ZNF91: variants seen among roughly 807,000 people sequenced by gnomAD.
ZNF91 encodes the protein zinc finger protein 91 (HPF7, HTF10).
Under a neutral mutation model 12.6 loss-of-function variants are expected in ZNF91, and 7 were observed. That is an observed-to-expected ratio of 0.55 (90% CI 0.31 to 1.04). ZNF91 has a LOEUF of 1.04. ZNF91 is among the 50% of genes least tolerant of loss of function. ZNF91 has a pLI of 0.05. For synonymous variants in ZNF91, 453 were observed against 462.6 expected, an observed-to-expected ratio of 0.98 and a Z score of 0.27; for missense variants, 1,217 against 1,385.4, an observed-to-expected ratio of 0.88 and a Z score of 1.93.
At chr19:23,371,579 T>C (rs73565040) in intron 3 of ZNF91, among the ~76,000 whole-genome samples, 119 of 151,946 alleles carry the variant, frequency 7.8e-4, no homozygotes, top group African/African-American at 2.7e-3. Flanking sequence ...AATAAACTCA[T>C]ATTAAGGAAC....
downstream of ZNF91, among the ~76,000 whole-genome samples, chr19:23,335,089 T>A (rs1477848006): frequency 6.6e-6 from 1 of 152,128 alleles, no homozygotes; most frequent in East Asian, 1.9e-4. Context: ...TTGCTGGAGG[T>A]CCACTCCAGA....
In ZNF91 at chr19:23,358,937, A is replaced by C; in HGVS notation, c.*466T>G. 1.3e-5 allele frequency: 4 copies of C among 316,886 alleles called. No homozygotes were observed. Among genetic ancestry groups the C allele is most frequent in the South Asian group, 1.1e-4 (3 of 27,352 alleles). 19.6% of individuals were successfully genotyped at this position (316,886 alleles called of 1,614,324 possible). ...GACTTTTTATAGACTTTACCACATT[A>C]TTCACACTTGTAAGATTTCTCTCCA... On this transcript the variant is annotated 3_prime_UTR_variant, in exon 4 of 4. Coordinates refer to ENST00000300619, the MANE Select transcript of ZNF91 (RefSeq NM_003430.4).
At chr19:23,323,872 C>G (rs955783350) in intron 1 of ZNF91, 2 of 134,930 alleles carry the variant, frequency 1.5e-5, no homozygotes, top group African/African-American at 5.9e-5. Context: ...TTCTCCTCTT[C>G]GTTTCCTATT....
At chr19:23,305,242 T>A (rs999624308) in intron 3 of ZNF91, 6 of 152,112 alleles carry the variant, frequency 3.9e-5, no homozygotes, top group African/African-American at 1.4e-4. Flanking sequence ...TATAAATATA[T>A]CTATGTAATG....
chr19:23,329,426 A>G (rs560271774), intron 1 of ZNF91, among the ~76,000 whole-genome samples: 1 of 152,288 alleles, frequency 6.6e-6, no homozygotes, highest in South Asian at 2.1e-4. Flanking sequence ...TCTTAATTGA[A>G]AGCCCATGAA....
intron 1 of ZNF91, among the ~76,000 whole-genome samples, chr19:23,382,250 C>G (rs1969744695): frequency 6.6e-6 from 1 of 152,118 alleles, no homozygotes; most frequent in Admixed American, 6.5e-5. Context: ...ACAGCCAGGT[C>G]TCTAAACATG....
intron 1 of ZNF91, among the ~76,000 whole-genome samples, chr19:23,330,118 G>A (rs1438549592): frequency 6.6e-6 from 1 of 152,130 alleles, no homozygotes; most frequent in Non-Finnish European, 1.5e-5. Context: ...ATCACCTGAT[G>A]TCAGGAGTTC....
At chr19:23,371,018 C>T (rs1311649084) in intron 3 of ZNF91, among the ~76,000 whole-genome samples, 2 of 152,064 alleles carry the variant, frequency 1.3e-5, no homozygotes, top group Non-Finnish European at 2.9e-5. Context: ...AAAGGCTACT[C>T]ACTTACACAA....
intron 3 of ZNF91, among the ~76,000 whole-genome samples, chr19:23,350,721 A>T (rs559896249): frequency 6.6e-6 from 1 of 152,292 alleles, no homozygotes; most frequent in Non-Finnish European, 1.5e-5. Flanking sequence ...CATCAGCAAG[A>T]TAGCAGAAGC....
chr19:23,318,884 G>A (rs201762727), intron 1 of ZNF91, among the ~76,000 whole-genome samples: 5 of 152,106 alleles, frequency 3.3e-5, no homozygotes, highest in Admixed American at 1.3e-4. Flanking sequence ...CAGTAGGGAT[G>A]GTGACATATT....
At chr19:23,340,380 C>A (rs906523648) in intron 3 of ZNF91, among the ~76,000 whole-genome samples, 3 of 152,016 alleles carry the variant, frequency 2.0e-5, no homozygotes, top group African/African-American at 7.2e-5. Flanking sequence ...TACAGAAGAT[C>A]ACTAGAAACG....
chr19:23,359,091 G>T lies in ZNF91; in HGVS notation c.*312C>A. ...TGGTTAGGGCTGAGGACCAGAAAAA[G>T]GATTTGCCACATTCTTCACATTTGT... On this transcript the variant is annotated 3_prime_UTR_variant, in exon 4 of 4. Transcript: ENST00000300619. 1.8e-6 allele frequency: 1 copy of T among 559,640 alleles called. No individual in the cohort carries two copies. Among genetic ancestry groups the T allele is most frequent in the Non-Finnish European group, 3.4e-6 (1 of 292,246 alleles). The allele number at this position is 559,640 out of a possible 1,614,324, so 34.7% of individuals were successfully genotyped here.
At position 23,361,258 on chromosome 19, in the gene ZNF91, T is replaced by C. The variant is rs367731154; in HGVS notation, c.1721A>G (p.Tyr574Cys). Reference protein sequence around the residue: ...HKIIHAGKKLYKCEECGKAFN... With the variant: ...HKIIHAGKKLCKCEECGKAFN... ...AGCTTTGCCACATTCTTCACATTTGTAGAGTTTCTTTCCAGCATGAATTAT... is the reference window on the plus strand; with the variant it reads ...AGCTTTGCCACATTCTTCACATTTGCAGAGTTTCTTTCCAGCATGAATTAT... The change falls in exon 4 of 4, where the codon TAC (tyrosine) becomes TGC (cysteine). Residue 574 changes from tyrosine (Y) to cysteine (C), a missense_variant. Physicochemically the swap from Tyr to Cys is radical, Grantham distance 194. Transcript: ENST00000300619. 3 of 1,613,506 alleles carry C rather than the reference T, an allele frequency of 1.9e-6. No homozygotes were observed. The highest frequency in any genetic ancestry group is 2.2e-5 in the East Asian group (1 of 44,856).
chr19:23,371,466 A>T (rs1345846960), intron 3 of ZNF91, among the ~76,000 whole-genome samples: 2 of 152,248 alleles, frequency 1.3e-5, no homozygotes, highest in East Asian at 3.8e-4. Context: ...TGTGATAGAC[A>T]TATGGCTCAT....
downstream of ZNF91, among the ~76,000 whole-genome samples, chr19:23,356,843 C>T (rs1432446174): frequency 1.3e-5 from 2 of 152,190 alleles, no homozygotes; most frequent in Non-Finnish European, 2.9e-5. Flanking sequence ...CCTGTAATCC[C>T]AGCACTTTGG....
At chr19:23,355,193 C>T (rs1160515508), downstream of ZNF91, among the ~76,000 whole-genome samples, 4 of 152,178 alleles carry the variant, frequency 2.6e-5, no homozygotes, top group Admixed American at 6.5e-5. Flanking sequence ...AGGCACCATA[C>T]TACCTGATTT....
At chr19:23,311,333 A>T (rs1407621207), upstream of ZNF91, among the ~76,000 whole-genome samples, 2 of 151,526 alleles carry the variant, frequency 1.3e-5, no homozygotes, top group Non-Finnish European at 2.9e-5. Flanking sequence ...GTGTTGTGAC[A>T]TGTTGCATGT....
chr19:23,321,990 T>C (rs1199287910), intron 1 of ZNF91, among the ~76,000 whole-genome samples: 7 of 152,204 alleles, frequency 4.6e-5, no homozygotes, highest in Non-Finnish European at 2.9e-5. Flanking sequence ...TTACCTGGGC[T>C]TTGCCCATAG....
At chr19:23,346,232 C>A (rs1357939770) in intron 3 of ZNF91, among the ~76,000 whole-genome samples, 2 of 152,096 alleles carry the variant, frequency 1.3e-5, no homozygotes, top group Non-Finnish European at 2.9e-5. Context: ...TTGGCATGAC[C>A]TCTACATTAT....
Sources: allele counts gnomAD v4.1 joint callset (sites outside exome capture counted in the v4.1 genomes callset), GRCh38; gene constraint gnomAD v4.1.1; transcripts MANE v1.5; gene names NCBI Gene and HGNC (gene_info 2026-07-23, HGNC 2026-07-21).